The following RFC2 variants were observed in gnomAD, a reference collection of about 807,000 sequenced individuals.
RFC2 encodes replication factor C subunit 2.
RFC2 carries 34 observed loss-of-function variants against 44.8 expected under a neutral mutation model. The observed-to-expected ratio is 0.76, with a 90% CI of 0.58 to 1.01. The LOEUF (loss-of-function observed/expected upper bound fraction) is 1.01, where lower values mean the gene tolerates loss of function less well. RFC2 is among the 50% of genes least tolerant of loss of function. The pLI, the probability that RFC2 is intolerant of heterozygous loss-of-function variation, is 0.00. For missense variants in RFC2, 400 were observed against 453.6 expected (o/e 0.88, Z 1.07); for synonymous variants, 177 against 168.9 (o/e 1.05, Z -0.37).
rs1379017051 is a variant in RFC2, at chr7:74,240,033, T to G, written c.598A>C (p.Thr200Pro). ...TTCTCGATAACATTCATCAGCCTGGTGAGGATCTGGGCGTCGGTCAGCTTT... is the reference window on the plus strand; with the variant it reads ...TTCTCGATAACATTCATCAGCCTGGGGAGGATCTGGGCGTCGGTCAGCTTT... The part of the protein sequence containing the change: ...YTKLTDAQIL[T>P]RLMNVIEKER... Residue 200 changes from threonine (T) to proline (P), a missense_variant, in exon 7 of 11, where the codon ACC becomes CCC. By Grantham distance (38) the Thr-to-Pro change is conservative. Coordinates refer to ENST00000055077, the MANE Select transcript of RFC2 (RefSeq NM_181471.3). The G allele has an allele frequency of 1.1e-5, 17 of 1,613,944 alleles. No homozygotes were observed. Among genetic ancestry groups the G allele is most frequent in the Non-Finnish European group, 1.4e-5 (17 of 1,179,972 alleles).
Position 74,231,922 on chromosome 7 carries a change from C to A in RFC2, c.*184G>T. Reference sequence around the variant, plus strand: ...CTTGAACTTCTGACCTCAGGTGATCCACCTGCCTCGGCCTCCCAAAGTGTT... The same window carrying A: ...CTTGAACTTCTGACCTCAGGTGATCAACCTGCCTCGGCCTCCCAAAGTGTT... On this transcript the variant is annotated 3_prime_UTR_variant, in exon 11 of 11. Transcript: ENST00000055077. 1 of 497,168 alleles carries A rather than the reference C, an allele frequency of 2.0e-6. No individual in the cohort carries two copies. Among genetic ancestry groups the A allele is most frequent in the Middle Eastern group, 5.6e-4 (1 of 1,776 alleles). 30.8% of individuals were successfully genotyped at this position (497,168 alleles called of 1,614,324 possible). A position where few individuals can be genotyped will look rare whatever the true frequency, so the allele number is the denominator to read the frequency against.
intron 5 of RFC2, among the ~76,000 whole-genome samples, chr7:74,246,151 G>T (rs530782174): frequency 1.9e-4 from 28 of 149,072 alleles, no homozygotes; most frequent in Admixed American, 7.3e-4. Context: ...AGCTGAAATC[G>T]CACCACTGCA....
At chr7:74,252,223 C>T (rs1458246067) in intron 2 of RFC2, among the ~76,000 whole-genome samples, 2 of 150,626 alleles carry the variant, frequency 1.3e-5, no homozygotes, top group South Asian at 2.1e-4. Context: ...CTGGCTAACA[C>T]GGTGAAACCC....
intron 9 of RFC2, 49 bp from the exon 10 acceptor site, chr7:74,235,694 A>C: frequency 7.7e-7 from 1 of 1,298,658 alleles, no homozygotes; most frequent in Non-Finnish European, 1.1e-6. Context: ...AACTGTAAGA[A>C]GACATGTGAT....
intron 7 of RFC2, 128 bp downstream of exon 7, chr7:74,239,810 G>T: frequency 1.1e-6 from 1 of 889,860 alleles, no homozygotes; most frequent in Non-Finnish European, 1.7e-6. Context: ...CACTGTCCCA[G>T]GAGGGTGCCA....
At chr7:74,241,714 C>G (rs1803339639) in intron 6 of RFC2, among the ~76,000 whole-genome samples, 1 of 152,208 alleles carries the variant, frequency 6.6e-6, no homozygotes, top group African/African-American at 2.4e-5. Flanking sequence ...AATCCCAGCA[C>G]TTTGCGAGGC....
intron 6 of RFC2, among the ~76,000 whole-genome samples, chr7:74,241,394 A>G (rs1265632108): frequency 2.0e-5 from 3 of 152,254 alleles, no homozygotes; most frequent in Non-Finnish European, 4.4e-5. Flanking sequence ...ATCAATGCAC[A>G]AATCAGTGCG....
At chr7:74,241,788 C>T (rs1265052665) in intron 6 of RFC2, among the ~76,000 whole-genome samples, 2 of 152,092 alleles carry the variant, frequency 1.3e-5, no homozygotes, top group African/African-American at 2.4e-5. Flanking sequence ...GGTGAAACCT[C>T]GTCTCTAAGA....
In RFC2 at chr7:74,237,370, C is replaced by T. The variant is rs1554718492; in HGVS notation, c.832G>A (p.Ala278Thr). The T allele has an allele frequency of 6.2e-7, 1 of 1,604,212 alleles. No homozygotes were observed. The highest frequency in any genetic ancestry group is 8.5e-7 in the Non-Finnish European group (1 of 1,175,758). The change falls in exon 9 of 11, where the codon GCC (alanine) becomes ACC (threonine). Residue 278 changes from alanine (A) to threonine (T), a missense_variant. Ala to Thr is a moderately conservative substitution (Grantham distance 58). Transcript: ENST00000055077. ...QHCVNANIDEAYKILAHLWHL... is the reference protein window; with the variant it reads ...QHCVNANIDETYKILAHLWHL... ...GGGGGAAGGAGGCCAACCTTGTAGGCTTCGTCAATGTTGGCATTCACACAG... is the reference window on the plus strand; with the variant it reads ...GGGGGAAGGAGGCCAACCTTGTAGGTTTCGTCAATGTTGGCATTCACACAG...
At chr7:74,250,580 T>C (rs868931645) in intron 2 of RFC2, among the ~76,000 whole-genome samples, 1 of 152,218 alleles carries the variant, frequency 6.6e-6, no homozygotes, top group South Asian at 2.1e-4. Context: ...CCCTGAGTAC[T>C]TCAATAACCA....
chr7:74,249,263 G>A (rs782287035), intron 3 of RFC2, 145 bp from the exon 4 acceptor site: 2 of 1,452,972 alleles, frequency 1.4e-6, no homozygotes, highest in South Asian at 1.2e-5. Context: ...ACAGCTGGCC[G>A]GAGACAGTGG....
rs3135666 is a variant in RFC2 at position 74,247,562 on chromosome 7, C to T, written c.333-799G>A. Among the ~76,000 whole-genome samples, 65 of 152,266 alleles carry T rather than the reference C, an allele frequency of 4.3e-4. 1 individual carries two copies. The highest frequency in any genetic ancestry group is 3.5e-3 in the Admixed American group (53 of 15,284). On this transcript the variant is annotated intron_variant, in intron 4 of 10. Coordinates refer to ENST00000055077, the MANE Select transcript of RFC2 (RefSeq NM_181471.3). Reference sequence around the variant, plus strand: ...GGCTGAGGCACGAGAATCGCTTGAACCCAGAAGGCAGAGGTTATGGTGAGT... The same window carrying T: ...GGCTGAGGCACGAGAATCGCTTGAATCCAGAAGGCAGAGGTTATGGTGAGT...
chr7:74,241,763 C>A (rs1584252865), intron 6 of RFC2, among the ~76,000 whole-genome samples: 2 of 152,196 alleles, frequency 1.3e-5, no homozygotes, highest in East Asian at 3.8e-4. Context: ...CGTTCTAGAC[C>A]AGCCTGGGCA....
Position 74,238,996 on chromosome 7 carries a change from G to C in RFC2, c.694-8C>G, listed in dbSNP as rs1803168640. ...CTGCAGGTTGTTCAGCGCCTGTTCAGGAGCAAACACATGTCAAGGATGATT... is the reference window on the plus strand; with the variant it reads ...CTGCAGGTTGTTCAGCGCCTGTTCACGAGCAAACACATGTCAAGGATGATT... On this transcript the variant is annotated splice_polypyrimidine_tract_variant and splice_region_variant and intron_variant, in intron 7 of 10. Coordinates refer to ENST00000055077, the MANE Select transcript of RFC2 (RefSeq NM_181471.3). The surrounding 1 kb of genome is among the most constrained non-coding windows in gnomAD (Gnocchi z 4.0). The C allele has an allele frequency of 6.2e-7, 1 of 1,611,174 alleles. No individual in the cohort carries two copies. Among genetic ancestry groups the C allele is most frequent in the Non-Finnish European group, 8.5e-7 (1 of 1,177,440 alleles).
intron 9 of RFC2, among the ~76,000 whole-genome samples, chr7:74,236,316 C>T (rs1554718303): frequency 6.6e-6 from 1 of 152,190 alleles, no homozygotes; most frequent in Non-Finnish European, 1.5e-5. Context: ...TTCAGGTCTA[C>T]TCAGGGACCC....
intron 5 of RFC2, among the ~76,000 whole-genome samples, chr7:74,244,612 G>T: frequency 6.6e-6 from 1 of 151,640 alleles, no homozygotes; most frequent in East Asian, 2.0e-4. Context: ...CAAGCAATCT[G>T]CCCGCCTCGG....
At chr7:74,232,481 C>T (rs1178761599) in intron 10 of RFC2, among the ~76,000 whole-genome samples, 2 of 109,232 alleles carry the variant, frequency 1.8e-5, no homozygotes, top group South Asian at 6.3e-4. Flanking sequence ...CGAGGGGGGG[C>T]GGGGTGGTGG....
chr7:74,233,023 T>G (rs373412468), intron 10 of RFC2, among the ~76,000 whole-genome samples: 1 of 151,458 alleles, frequency 6.6e-6, no homozygotes, highest in South Asian at 2.1e-4. Flanking sequence ...CTGGGCAACA[T>G]AGCAACACCC....
intron 2 of RFC2, among the ~76,000 whole-genome samples, chr7:74,251,048 A>G (rs1342982259): frequency 2.0e-5 from 3 of 152,090 alleles, no homozygotes; most frequent in Non-Finnish European, 4.4e-5. Context: ...TGGCCTCCCA[A>G]AGTGCTGGGA....
Sources: allele counts gnomAD v4.1 joint callset (sites outside exome capture counted in the v4.1 genomes callset), GRCh38; gene constraint gnomAD v4.1.1; non-coding constraint Gnocchi (gnomAD v3.1); transcripts MANE v1.5; gene names NCBI Gene and HGNC (gene_info 2026-07-23, HGNC 2026-07-21).